The following KDM3A variants were observed in gnomAD, a reference collection of about 807,000 sequenced individuals.
The protein encoded by KDM3A is lysine-specific demethylase 3A.
Under a neutral mutation model 158.0 loss-of-function variants are expected in KDM3A, and 60 were observed. The observed-to-expected ratio is 0.38, with a 90% CI of 0.31 to 0.47. The LOEUF (loss-of-function observed/expected upper bound fraction) is 0.47. Among genes scored for constraint, KDM3A ranks in the 20% least tolerant of loss-of-function variants. KDM3A has a pLI of 0.99. For missense variants in KDM3A, 1,319 were observed against 1,574.3 expected (o/e 0.84, Z 2.74); for synonymous variants, 608 against 549.3 (o/e 1.11, Z -1.49).
chr2:86,466,724 G>A lies in KDM3A; in HGVS notation c.1360G>A (p.Glu454Lys), dbSNP rs1270173071. The A allele has an allele frequency of 1.2e-6, 2 of 1,613,774 alleles. No individual in the cohort carries two copies. Among genetic ancestry groups the A allele is most frequent in the Non-Finnish European group, 1.7e-6 (2 of 1,179,860 alleles). ...CCCATCGGATGTTTCAAATGCACCA[G>A]AAGTGAAAGCAGGTGTCAATAGTGA... ...PSPSDVSNAP[E>K]VKAGVNSDSP... Residue 454 changes from glutamate to lysine, a missense_variant, in exon 10 of 26, where the codon GAA becomes AAA. Glu to Lys is a moderately conservative substitution (Grantham distance 56). Coordinates refer to ENST00000312912, the MANE Select transcript of KDM3A (RefSeq NM_018433.6).
At chr2:86,451,753 C>T (rs1277995981) in intron 4 of KDM3A, among the ~76,000 whole-genome samples, 1 of 152,156 alleles carries the variant, frequency 6.6e-6, no homozygotes, top group African/African-American at 2.4e-5. Flanking sequence ...AGGTGTTAGA[C>T]ATCATTCCTC....
chr2:86,490,722 C>G, intron 23 of KDM3A, 159 bp from the exon 24 acceptor site: 1 of 558,896 alleles, frequency 1.8e-6, no homozygotes, highest in Non-Finnish European at 3.2e-6. Context: ...GTTCATTCAG[C>G]TGAAGTCTTT....
intron 2 of KDM3A, among the ~76,000 whole-genome samples, chr2:86,444,649 G>T (rs1399497718): frequency 6.6e-6 from 1 of 150,802 alleles, no homozygotes; most frequent in Non-Finnish European, 1.5e-5. Flanking sequence ...TTAAGTTTTT[G>T]GGGGGTGAGA....
At chr2:86,464,366 T>C (rs538518866) in intron 9 of KDM3A, 150 bp downstream of exon 9, 32 of 542,272 alleles carry the variant, frequency 5.9e-5, no homozygotes, top group Non-Finnish European at 9.1e-5. Flanking sequence ...GTGAAAAGTA[T>C]AGAAGGCACA....
At position 86,478,174 on chromosome 2, in the gene KDM3A, T is replaced by C. The variant is rs1309952328; in HGVS notation, c.2097T>C (p.Ala699=). ...CTACAAATCAGTTATTTGCAGGTGC[T>C]GCTTACAAGACTTTCTCTTGGCTAA... The part of the protein sequence containing the change: ...RMKRKNCQQG[A]AYKTFSWLKC... The change falls in exon 14 of 26, where the codon GCT becomes GCC. Residue 699 remains alanine (A), a synonymous_variant. Coordinates refer to ENST00000312912, the MANE Select transcript of KDM3A (RefSeq NM_018433.6). 2 of 1,613,914 alleles carry C rather than the reference T, an allele frequency of 1.2e-6. No homozygotes were observed. Among genetic ancestry groups the C allele is most frequent in the East Asian group, 4.5e-5 (2 of 44,882 alleles).
intron 4 of KDM3A, among the ~76,000 whole-genome samples, chr2:86,453,847 T>C (rs543339066): frequency 1.5e-3 from 226 of 152,348 alleles, no homozygotes; most frequent in Non-Finnish European, 2.6e-3. Flanking sequence ...GACCCATTCT[T>C]GGTCATTATC....
At chr2:86,453,808 A>G (rs1211047910) in intron 4 of KDM3A, among the ~76,000 whole-genome samples, 2 of 152,176 alleles carry the variant, frequency 1.3e-5, no homozygotes, top group African/African-American at 4.8e-5. Context: ...CTAACAGACT[A>G]GTTATCCTTC....
At position 86,482,524 on chromosome 2, in the gene KDM3A, A is replaced by C; in HGVS notation, c.2752A>C (p.Lys918Gln). ...DDIFASLVQN[K>Q]TTSDLSKRPQ... ...CATCTTTGCCTCTTTGGTGCAAAAT[A>C]AGACGACTTCTGATTTATCTAAGAG... is the stretch of plus-strand genomic sequence containing the variant. The change falls in exon 18 of 26, where the codon AAG becomes CAG. Residue 918 changes from lysine to glutamine, a missense_variant. Physicochemically the swap from Lys to Gln is moderately conservative, Grantham distance 53. Transcript: ENST00000312912. 1 of 1,614,216 alleles carries C rather than the reference A, an allele frequency of 6.2e-7. No homozygotes were observed. The highest frequency in any genetic ancestry group is 8.5e-7 in the Non-Finnish European group (1 of 1,180,040).
At chr2:86,446,165 C>T (rs534729279) in intron 2 of KDM3A, among the ~76,000 whole-genome samples, 206 of 152,222 alleles carry the variant, frequency 1.4e-3, no homozygotes, top group Admixed American at 2.2e-3. Context: ...AGCATTTGGT[C>T]AAGGTGTTTC....
At chr2:86,445,253 C>T (rs1462726665) in intron 2 of KDM3A, among the ~76,000 whole-genome samples, 1 of 152,150 alleles carries the variant, frequency 6.6e-6, no homozygotes, top group East Asian at 1.9e-4. Context: ...ATTATTACCT[C>T]TCCTATGGAG....
intron 4 of KDM3A, among the ~76,000 whole-genome samples, chr2:86,453,685 A>G (rs1024098108): frequency 6.6e-6 from 1 of 152,202 alleles, no homozygotes; most frequent in South Asian, 2.1e-4. Flanking sequence ...TACATGCATG[A>G]GAAAAAAACA....
chr2:86,437,497 T>C (rs1682510594), upstream of KDM3A, among the ~76,000 whole-genome samples: 2 of 152,346 alleles, frequency 1.3e-5, no homozygotes, highest in Middle Eastern at 3.4e-3. Flanking sequence ...TTGCATAGTT[T>C]ATTCTTTACA....
intron 16 of KDM3A, among the ~76,000 whole-genome samples, chr2:86,480,948 T>A (rs1354096738): frequency 6.6e-6 from 1 of 152,210 alleles, no homozygotes; most frequent in Non-Finnish European, 1.5e-5. Context: ...ATTTCTGTAT[T>A]ACTGATGAGG....
chr2:86,464,473 T>TA (rs1673053769), intron 9 of KDM3A, among the ~76,000 whole-genome samples: 1 of 152,188 alleles, frequency 6.6e-6, no homozygotes, highest in Non-Finnish European at 1.5e-5. Flanking sequence ...AGTACCTTTG[T>TA]AAAACAGGTG....
At position 86,482,092 on chromosome 2, in the gene KDM3A, C is replaced by T; in HGVS notation, c.2675C>T (p.Ser892Phe). Reference protein sequence around the residue: ...SGFLRNLLNSSTGKTENGLKN... With the variant: ...SGFLRNLLNSFTGKTENGLKN... ...TTCCTCCGGAATCTCTTGAATTCTTCTACAGGAAAGGTATGTGTTTGTTTG... is the reference window on the plus strand; with the variant it reads ...TTCCTCCGGAATCTCTTGAATTCTTTTACAGGAAAGGTATGTGTTTGTTTG... The change falls in exon 17 of 26, where the codon TCT becomes TTT. Residue 892 changes from serine (S) to phenylalanine (F), a missense_variant. Coordinates refer to ENST00000312912, the MANE Select transcript of KDM3A (RefSeq NM_018433.6). 6.2e-7 allele frequency: 1 copy of T among 1,613,452 alleles called. No homozygotes were observed. Among genetic ancestry groups the T allele is most frequent in the East Asian group, 2.2e-5 (1 of 44,876 alleles).
rs1262806998 is a variant in KDM3A at position 86,442,405 on chromosome 2, G to C, written c.186+172G>C. 4 of 636,872 alleles carry C rather than the reference G, an allele frequency of 6.3e-6. No individual in the cohort carries two copies. The East Asian group carries it at 1.2e-4, about 19-fold the overall frequency. 39.5% of individuals were successfully genotyped at this position (636,872 alleles called of 1,614,324 possible). A position where few individuals can be genotyped will look rare whatever the true frequency, so the allele number is the denominator to read the frequency against. ...CTTTGGAATGGTTGTATAGAGCCGAGTTGTGTTTGGCCCACAGCTCCTGGC... is the reference window on the plus strand; with the variant it reads ...CTTTGGAATGGTTGTATAGAGCCGACTTGTGTTTGGCCCACAGCTCCTGGC... On this transcript the variant is annotated intron_variant, in intron 2 of 25. Transcript: ENST00000312912.
At chr2:86,437,401 A>G (rs1682509558), upstream of KDM3A, among the ~76,000 whole-genome samples, 1 of 152,176 alleles carries the variant, frequency 6.6e-6, no homozygotes, top group African/African-American at 2.4e-5. Context: ...TCAGCTTCCC[A>G]AAATGCTGGG....
At chr2:86,441,032 C>T (rs978089576), upstream of KDM3A, 1 of 152,416 alleles carries the variant, frequency 6.6e-6, no homozygotes, top group Admixed American at 6.5e-5. Flanking sequence ...TCCTCCGGGC[C>T]CCAAAGTTGA....
chr2:86,481,772 G>A (rs913015857), intron 16 of KDM3A, among the ~76,000 whole-genome samples, 158 bp from the exon 17 acceptor site: 7 of 152,140 alleles, frequency 4.6e-5, no homozygotes, highest in African/African-American at 1.7e-4. Flanking sequence ...GTGAGGAATC[G>A]TCTAAGTAAA....
Sources: allele counts gnomAD v4.1 joint callset (sites outside exome capture counted in the v4.1 genomes callset), GRCh38; gene constraint gnomAD v4.1.1; transcripts MANE v1.5; gene names NCBI Gene and HGNC (gene_info 2026-07-23, HGNC 2026-07-21).